NPM1: variants seen among roughly 807,000 people sequenced by gnomAD.
NPM1 encodes nucleophosmin 1.
NPM1 carries 1 observed loss-of-function variant against 44.1 expected under a neutral mutation model. That is an observed-to-expected ratio of 0.02 (90% CI 0.01 to 0.11). The LOEUF (loss-of-function observed/expected upper bound fraction) is 0.11. Ranked by LOEUF, NPM1 falls within the 10% of genes least tolerant of loss-of-function variation. The probability of loss-of-function intolerance (pLI) is 1.00; values close to 1 mark genes in which losing one functional copy is unlikely to be tolerated. For synonymous variants in NPM1, 126 were observed against 111.8 expected (o/e 1.13, Z -0.80); for missense variants, 197 against 347.8 (o/e 0.57, Z 3.45).
chr5:171,396,809 C>T (rs999064679), intron 6 of NPM1, among the ~76,000 whole-genome samples: 10 of 152,098 alleles, frequency 6.6e-5, no homozygotes, highest in African/African-American at 1.4e-4. Context: ...GGTGAAACCC[C>T]GTCTCTGCTA....
intron 6 of NPM1, among the ~76,000 whole-genome samples, chr5:171,398,185 A>G (rs896503180): frequency 2.0e-5 from 3 of 152,256 alleles, no homozygotes; most frequent in Admixed American, 1.3e-4. Context: ...AACTTTCATG[A>G]TGGTGGCCTT....
chr5:171,394,611 C>T (rs1039660260), intron 6 of NPM1, among the ~76,000 whole-genome samples: 1 of 152,138 alleles, frequency 6.6e-6, no homozygotes, highest in Non-Finnish European at 1.5e-5. Context: ...GTTTGGTTAT[C>T]ACTTTTAAGA....
chr5:171,407,570 C>T, intron 9 of NPM1, 130 bp from the exon 10 acceptor site: 1 of 671,944 alleles, frequency 1.5e-6, no homozygotes, highest in Non-Finnish European at 2.6e-6. Context: ...ACGGAGTATT[C>T]TTGGAAAGTT....
At chr5:171,405,657 C>T (rs1409998086) in intron 9 of NPM1, 1 of 427,524 alleles carries the variant, frequency 2.3e-6, no homozygotes, top group Non-Finnish European at 4.2e-6. Context: ...TGCAAGATAA[C>T]ATTCTGACCT....
chr5:171,406,340 T>G lies in NPM1; in HGVS notation c.771+937T>G, dbSNP rs188558946. 1.0e-4 allele frequency: 152 copies of G among 1,488,394 alleles called. No homozygotes were observed. The East Asian group carries it at 3.2e-3, about 31-fold the overall frequency. 92.2% of individuals were successfully genotyped at this position (1,488,394 alleles called of 1,614,324 possible). A position where few individuals can be genotyped will look rare whatever the true frequency, so the allele number is the denominator to read the frequency against. ...TGGATACAATGCTAAAATGACATCT[T>G]TTAGATGCCCCTCCCCTCCATTTTA... On this transcript the variant is annotated intron_variant, in intron 9 of 10. Transcript: ENST00000296930.
intron 10 of NPM1, among the ~76,000 whole-genome samples, chr5:171,408,290 T>C (rs1271007928): frequency 6.6e-6 from 1 of 152,176 alleles, no homozygotes; most frequent in Non-Finnish European, 1.5e-5. Context: ...AGTTAGTACA[T>C]GTGAAAGTCT....
In NPM1 at chr5:171,400,849, A is replaced by G; in HGVS notation, c.593A>G (p.Asp198Gly). The G allele has an allele frequency of 6.2e-7, 1 of 1,607,444 alleles. No homozygotes were observed. Among genetic ancestry groups the G allele is most frequent in the Admixed American group, 1.7e-5 (1 of 59,604 alleles). Residue 198 changes from aspartate to glycine, a missense_variant, in exon 8 of 11, where the codon GAT becomes GGT. Physicochemically the swap from Asp to Gly is moderately conservative, Grantham distance 94 (BLOSUM62 -1). This residue lies in a region of NPM1 where 91 missense variants were observed against 94.0 expected (regional missense o/e 0.97). Coordinates refer to ENST00000296930, the MANE Select transcript of NPM1 (RefSeq NM_002520.7). ...EKAPVKKSIR[D>G]TPAKNAQKSN... ...AATTTCTAATTGCAGTCTATACGAG[A>G]TACTCCAGCCAAAAATGCACAAAAG...
intron 4 of NPM1, among the ~76,000 whole-genome samples, chr5:171,392,257 A>G (rs1167703540): frequency 6.6e-6 from 1 of 152,214 alleles, no homozygotes; most frequent in East Asian, 1.9e-4. Context: ...TTATTTTTTA[A>G]TAAAGACAGT....
chr5:171,408,641 C>T (rs1166991487), intron 10 of NPM1, among the ~76,000 whole-genome samples: 4 of 152,092 alleles, frequency 2.6e-5, no homozygotes, highest in Non-Finnish European at 5.9e-5. Context: ...CAGGTTCAGT[C>T]TTTGGTTGCT....
At chr5:171,391,521 G>C in intron 3 of NPM1, 97 bp downstream of exon 3, 1 of 1,479,946 alleles carries the variant, frequency 6.8e-7, no homozygotes, top group Non-Finnish European at 9.2e-7. Flanking sequence ...GATAGAAAGT[G>C]GTTCTTTATC....
At chr5:171,407,981 A>G (rs1451702519) in intron 10 of NPM1, among the ~76,000 whole-genome samples, 2 of 152,024 alleles carry the variant, frequency 1.3e-5, no homozygotes, top group East Asian at 3.9e-4. Flanking sequence ...ACTTTAGTAT[A>G]TTTTTCCCAG....
At chr5:171,401,076 G>A (rs1771172934) in intron 8 of NPM1, 151 bp downstream of exon 8, 1 of 616,196 alleles carries the variant, frequency 1.6e-6, no homozygotes, top group Non-Finnish European at 2.9e-6. Flanking sequence ...GCTGCAGCCA[G>A]GCTCAGTGGC....
At chr5:171,407,660 A>T (rs1247402130) in intron 9 of NPM1, 40 bp from the exon 10 acceptor site, 4 of 1,140,496 alleles carry the variant, frequency 3.5e-6, no homozygotes, top group Non-Finnish European at 5.3e-6. Flanking sequence ...CTCTCGGTGT[A>T]TTTCTCTACT....
At chr5:171,388,049 G>T in intron 1 of NPM1, 43 bp downstream of exon 1, 2 of 1,498,000 alleles carry the variant, frequency 1.3e-6, no homozygotes, top group Non-Finnish European at 1.9e-6. Context: ...GCGGGGCCTG[G>T]TGGCGGTGAG....
At chr5:171,400,976 G>A (rs759072035) in intron 8 of NPM1, 51 bp downstream of exon 8, 7 of 1,231,882 alleles carry the variant, frequency 5.7e-6, no homozygotes, top group Non-Finnish European at 8.4e-6. Context: ...TGGGGAAAAA[G>A]ATTCTACTGT....
At chr5:171,392,603 TA>T (rs1554135885) in intron 4 of NPM1, 106 bp from the exon 5 acceptor site, 2 of 549,802 alleles carry the variant, frequency 3.6e-6, no homozygotes, top group Non-Finnish European at 5.8e-6. Context: ...TTTTTTTTTT[TA>T]AATAGAATAG....
Position 171,391,438 on chromosome 5 carries a change from C to G in NPM1, c.258+14C>G, listed in dbSNP as rs181650617. The stretch of plus-strand genomic sequence containing the variant: ...GTACAGCCAACGGTAAGGGCACTTA[C>G]ATACTTTGGATGTTGTGTCAAGGTT... On this transcript the variant is annotated intron_variant, in intron 3 of 10. Coordinates refer to ENST00000296930, the MANE Select transcript of NPM1 (RefSeq NM_002520.7). The G allele has an allele frequency of 3.1e-6, 5 of 1,605,118 alleles. No individual in the cohort carries two copies. The highest frequency in any genetic ancestry group is 2.2e-5 in the South Asian group (2 of 90,914).
chr5:171,392,622 A>T (rs1770637438), intron 4 of NPM1, 88 bp from the exon 5 acceptor site: 5 of 669,662 alleles, frequency 7.5e-6, no homozygotes, highest in East Asian at 3.0e-5. Context: ...TAGAAGTCTC[A>T]GTTTTTAGAG....
intron 9 of NPM1, chr5:171,406,796 C>T (rs1771597868): frequency 2.3e-6 from 2 of 858,022 alleles, no homozygotes; most frequent in African/African-American, 1.8e-5. Flanking sequence ...TTATTGGAGG[C>T]AGTTAAGTTT....
Sources: gnomAD v4.1 joint callset for allele counts (sites outside exome capture counted in the v4.1 genomes callset) on GRCh38, gnomAD v4.1.1 for gene constraint, gnomAD v4.1.1 regional missense constraint, MANE v1.5 for transcripts, NCBI Gene and HGNC (gene_info 2026-07-23, HGNC 2026-07-21) for gene names.